The following NHS variants were observed in gnomAD, a reference collection of about 807,000 sequenced individuals.
NHS encodes the protein actin remodeling regulator NHS.
NHS carries 5 observed loss-of-function variants against 72.5 expected under a neutral mutation model. The ratio of observed to expected loss-of-function variants is 0.07; its 90% CI spans 0.04 to 0.14. The LOEUF is 0.14. Ranked by LOEUF, NHS falls within the 10% of genes least tolerant of loss-of-function variation. The pLI is 1.00. For synonymous variants in NHS, 464 were observed against 547.7 expected (o/e 0.85, Z 2.13); for missense variants, 1,072 against 1,355.7 (o/e 0.79, Z 3.29).
At chrX:17,685,246 C>A (rs2066155133) in intron 1 of NHS, among the ~76,000 whole-genome samples, 1 of 112,024 alleles carries the variant, frequency 8.9e-6, no homozygotes, top group African/African-American at 3.2e-5. Flanking sequence ...GAGTTTTCCT[C>A]CTTTCCCTGT....
intron 1 of NHS, among the ~76,000 whole-genome samples, chrX:17,606,375 A>G (rs2065679509): frequency 8.9e-6 from 1 of 111,966 alleles, no homozygotes; most frequent in Non-Finnish European, 1.9e-5. Flanking sequence ...CCTGGTAGAC[A>G]TGAGAGTCAT....
chrX:17,662,235 A>G (rs927491773), intron 1 of NHS, among the ~76,000 whole-genome samples: 2 of 112,014 alleles, frequency 1.8e-5, no homozygotes, highest in African/African-American at 6.5e-5. Flanking sequence ...CAAACTTCCA[A>G]TTGAGAAGAC....
At position 17,411,524 on chromosome X, in the gene NHS, G is replaced by T. The variant is rs1683774600; in HGVS notation, c.565+35202G>T. Among the ~76,000 whole-genome samples the T allele has an allele frequency of 4.5e-5, 5 of 111,691 alleles. No homozygotes were observed. The South Asian group carries it at 1.9e-3, about 42-fold the overall frequency. On this transcript the variant is annotated intron_variant, in intron 1 of 8. Coordinates refer to ENST00000676302, the MANE Select transcript of NHS (RefSeq NM_001291867.2). The stretch of plus-strand genomic sequence containing the variant: ...AGTCTGTGTCACCTTCAGGGCGTGG[G>T]TTTGACAGAAGATGACAGTAGTGAT...
At chrX:17,395,828 G>T (rs750487639) in intron 1 of NHS, among the ~76,000 whole-genome samples, 7 of 111,975 alleles carry the variant, frequency 6.3e-5, no homozygotes, top group African/African-American at 2.3e-4. Context: ...AATTGCAAAA[G>T]TAAATAACAG....
intron 1 of NHS, among the ~76,000 whole-genome samples, chrX:17,641,839 G>T (rs1180407624): frequency 8.9e-6 from 1 of 111,752 alleles, no homozygotes; most frequent in Admixed American, 9.4e-5. Flanking sequence ...GATGGAGGAG[G>T]TGACAAGGGA....
intron 1 of NHS, among the ~76,000 whole-genome samples, chrX:17,560,179 G>A (rs961692466): frequency 2.7e-5 from 3 of 111,506 alleles, no homozygotes; most frequent in Non-Finnish European, 5.6e-5. Context: ...CTGATATCTC[G>A]AGGTTGATAT....
chrX:17,671,246 T>G (rs1445408277), intron 1 of NHS, among the ~76,000 whole-genome samples: 1 of 111,745 alleles, frequency 8.9e-6, no homozygotes. Context: ...ATTTGAAGGT[T>G]GAGTTAGAGA....
intron 1 of NHS, among the ~76,000 whole-genome samples, chrX:17,486,615 C>G (rs1442777115): frequency 9.0e-6 from 1 of 111,657 alleles, no homozygotes; most frequent in Non-Finnish European, 1.9e-5. Context: ...TAAGCTTCAG[C>G]CCACATCGTA....
chrX:17,470,069 G>T (rs780062633), intron 1 of NHS, among the ~76,000 whole-genome samples: 4 of 111,223 alleles, frequency 3.6e-5, no homozygotes, highest in Admixed American at 2.9e-4. Context: ...TGATGTACGT[G>T]GGGGGTGCTG....
At chrX:17,539,769 T>C (rs2065253559) in intron 1 of NHS, among the ~76,000 whole-genome samples, 1 of 111,688 alleles carries the variant, frequency 9.0e-6, no homozygotes, top group South Asian at 3.7e-4. Flanking sequence ...TCCCCTCCTT[T>C]GGGCACATGG....
At chrX:17,561,572 GCGCACACACACACACA>G (rs1433966239) in intron 1 of NHS, among the ~76,000 whole-genome samples, 11 of 60,229 alleles carry the variant, frequency 1.8e-4, no homozygotes, top group Non-Finnish European at 3.2e-4. Flanking sequence ...GCGCGCGCGC[GCGCACACACACACACA>G]CACACACACA....
chrX:17,394,456 T>A (rs1361014282), intron 1 of NHS, among the ~76,000 whole-genome samples: 5 of 112,485 alleles, frequency 4.4e-5, no homozygotes, highest in Non-Finnish European at 7.5e-5. Context: ...GAGGTGACTA[T>A]GTAATTTGCT....
At chrX:17,578,892 C>T (rs146573116) in intron 1 of NHS, among the ~76,000 whole-genome samples, 1 of 111,646 alleles carries the variant, frequency 9.0e-6, no homozygotes, top group East Asian at 2.8e-4. Flanking sequence ...GTGTTTGAAG[C>T]GCTTTATTGG....
chrX:17,510,833 A>G (rs1043126008), intron 1 of NHS, among the ~76,000 whole-genome samples: 5 of 112,655 alleles, frequency 4.4e-5, no homozygotes, highest in Non-Finnish European at 1.9e-5. Context: ...TTATTTACTC[A>G]TCAATTCTAA....
rs111266640 is a variant in NHS at position 17,560,584 on chromosome X, G to A, written c.566-127158G>A. 8.0e-5 allele frequency among the ~76,000 whole-genome samples: 9 copies of A among 111,854 alleles called. No homozygotes were observed. The East Asian group carries it at 2.0e-3, about 24-fold the overall frequency. ...ACATGATGGGCAGCCCCATGAGATC[G>A]GGATGGTATGAATATTCTGACTTGT... On this transcript the variant is annotated intron_variant, in intron 1 of 8. Coordinates refer to ENST00000676302, the MANE Select transcript of NHS (RefSeq NM_001291867.2).
chrX:17,689,826 T>C (rs1412284079), intron 2 of NHS, among the ~76,000 whole-genome samples: 1 of 111,954 alleles, frequency 8.9e-6, no homozygotes, highest in Non-Finnish European at 1.9e-5. Flanking sequence ...GCCCTTTAGG[T>C]ATAATTATTT....
intron 1 of NHS, among the ~76,000 whole-genome samples, chrX:17,678,448 G>A (rs1435359855): frequency 8.9e-6 from 1 of 111,839 alleles, no homozygotes; most frequent in African/African-American, 3.3e-5. Flanking sequence ...TGTTCCTGGG[G>A]AGGCCTCAGG....
intron 1 of NHS, among the ~76,000 whole-genome samples, chrX:17,395,078 TTC>T (rs997145457): frequency 2.7e-5 from 3 of 110,604 alleles, no homozygotes; most frequent in African/African-American, 9.9e-5. Flanking sequence ...TCTACCCTGC[TTC>T]TCTCTGTCAG....
intron 1 of NHS, among the ~76,000 whole-genome samples, chrX:17,391,824 C>T (rs2064446874): frequency 8.9e-6 from 1 of 111,880 alleles, no homozygotes. Context: ...AATGCAAGCA[C>T]CCATGCGTTT....
Sources: allele counts gnomAD v4.1 joint callset (sites outside exome capture counted in the v4.1 genomes callset), GRCh38; gene constraint gnomAD v4.1.1; transcripts MANE v1.5; gene names NCBI Gene and HGNC (gene_info 2026-07-23, HGNC 2026-07-21).